Variants in APBB2 observed in about 807,000 individuals in gnomAD.
APBB2 encodes Fe65-like 1.
A neutral mutation model predicts 82.5 loss-of-function variants in APBB2; 38 were observed. The ratio of observed to expected loss-of-function variants is 0.46; its 90% CI spans 0.36 to 0.60. APBB2 has a LOEUF of 0.60. Among genes scored for constraint, APBB2 ranks in the 20% least tolerant of loss-of-function variants. The pLI, the probability that APBB2 is intolerant of heterozygous loss-of-function variation, is 0.00. For synonymous variants in APBB2, 341 were observed against 368.2 expected (o/e 0.93, Z 0.85); for missense variants, 772 against 972.3 (o/e 0.79, Z 2.74).
At chr4:41,089,451 A>G (rs1382258486) in intron 3 of APBB2, among the ~76,000 whole-genome samples, 6 of 152,210 alleles carry the variant, frequency 3.9e-5, no homozygotes, top group African/African-American at 1.4e-4. Flanking sequence ...AGCTCAACCT[A>G]TGTTTTGAGT....
chr4:40,993,734 A>C (rs1367641249), intron 6 of APBB2, among the ~76,000 whole-genome samples: 2 of 152,110 alleles, frequency 1.3e-5, no homozygotes, highest in African/African-American at 2.4e-5. Context: ...TATTTTTTAA[A>C]AGAAAATAAA....
intron 6 of APBB2, among the ~76,000 whole-genome samples, chr4:40,957,607 G>T (rs1792009710): frequency 6.7e-6 from 1 of 149,720 alleles, no homozygotes; most frequent in Non-Finnish European, 1.5e-5. Context: ...TTTTGAGGCG[G>T]AGTTTCGCTC....
At chr4:41,143,417 G>A (rs1458551511) in intron 1 of APBB2, among the ~76,000 whole-genome samples, 1 of 152,148 alleles carries the variant, frequency 6.6e-6, no homozygotes, top group African/African-American at 2.4e-5. Flanking sequence ...ATTAACCATG[G>A]AAAACACAAG....
intron 16 of APBB2, among the ~76,000 whole-genome samples, chr4:40,822,997 T>C (rs1331587636): frequency 6.6e-6 from 1 of 152,174 alleles, no homozygotes; most frequent in Admixed American, 6.5e-5. Context: ...TGCTCCTCTC[T>C]CCAGGGTGAA....
chr4:41,019,465 T>G (rs1239628579), intron 5 of APBB2, among the ~76,000 whole-genome samples: 2 of 151,970 alleles, frequency 1.3e-5, no homozygotes, highest in East Asian at 3.9e-4. Context: ...AAAGCGAAAC[T>G]GGCAGCCTTA....
chr4:41,157,161 G>A (rs1019090009), intron 1 of APBB2, among the ~76,000 whole-genome samples: 5 of 152,020 alleles, frequency 3.3e-5, no homozygotes, highest in Non-Finnish European at 7.4e-5. Flanking sequence ...CACAGTGCCT[G>A]GCACACAGCA....
At chr4:41,043,331 T>C (rs1722217101) in intron 4 of APBB2, among the ~76,000 whole-genome samples, 1 of 152,188 alleles carries the variant, frequency 6.6e-6, no homozygotes, top group Non-Finnish European at 1.5e-5. Context: ...TGAGGCTGCT[T>C]CTATATTTAA....
At chr4:41,017,741 G>T (rs1234945100) in intron 5 of APBB2, among the ~76,000 whole-genome samples, 1 of 152,124 alleles carries the variant, frequency 6.6e-6, no homozygotes, top group African/African-American at 2.4e-5. Context: ...CACTCTAATT[G>T]GTCTGAGTGA....
At chr4:40,939,380 G>A (rs921527463) in intron 7 of APBB2, among the ~76,000 whole-genome samples, 7 of 152,138 alleles carry the variant, frequency 4.6e-5, no homozygotes, top group Non-Finnish European at 1.0e-4. Flanking sequence ...CTGGCTGCCC[G>A]AGGGTGCCCT....
At chr4:40,847,864 T>A (rs1413614937) in intron 12 of APBB2, among the ~76,000 whole-genome samples, 1 of 152,006 alleles carries the variant, frequency 6.6e-6, no homozygotes, top group Non-Finnish European at 1.5e-5. Flanking sequence ...AGGAGTCCAG[T>A]AGCACGATCA....
At chr4:41,182,379 C>T (rs1771669459) in intron 1 of APBB2, among the ~76,000 whole-genome samples, 1 of 152,210 alleles carries the variant, frequency 6.6e-6, no homozygotes, top group South Asian at 2.1e-4. Context: ...GGTGATCTCA[C>T]CAAGGTAACC....
intron 12 of APBB2, chr4:40,881,221 T>G: frequency 2.0e-6 from 2 of 985,326 alleles, no homozygotes; most frequent in Non-Finnish European, 2.4e-6. Flanking sequence ...AATACTATAG[T>G]GTAGGGAGAG....
chr4:41,034,373 G>C (rs1335219157), intron 4 of APBB2, among the ~76,000 whole-genome samples: 1 of 152,176 alleles, frequency 6.6e-6, no homozygotes, highest in African/African-American at 2.4e-5. Flanking sequence ...CACCCAGGCT[G>C]GAGGGCAATA....
At chr4:40,944,338 TC>T (rs1313597938) in intron 7 of APBB2, among the ~76,000 whole-genome samples, 1 of 152,240 alleles carries the variant, frequency 6.6e-6, no homozygotes, top group Non-Finnish European at 1.5e-5. Flanking sequence ...ATGCTGTTAA[TC>T]GTTTCTAAAA....
At chr4:40,999,738 G>A (rs1367341788) in intron 6 of APBB2, among the ~76,000 whole-genome samples, 2 of 152,178 alleles carry the variant, frequency 1.3e-5, no homozygotes, top group Admixed American at 6.5e-5. Flanking sequence ...CTCCTGCATA[G>A]TTTGAGAAGC....
chr4:41,184,443 G>T (rs1772312155), intron 1 of APBB2, among the ~76,000 whole-genome samples: 1 of 152,158 alleles, frequency 6.6e-6, no homozygotes, highest in South Asian at 2.1e-4. Flanking sequence ...TCCTCCAACA[G>T]GCCAGGCTCA....
At chr4:40,839,544 G>C (rs886613311) in intron 12 of APBB2, among the ~76,000 whole-genome samples, 3 of 152,108 alleles carry the variant, frequency 2.0e-5, no homozygotes, top group Non-Finnish European at 4.4e-5. Flanking sequence ...GGGAATTTGT[G>C]AAGGCTGGCA....
intron 1 of APBB2, among the ~76,000 whole-genome samples, chr4:41,182,056 C>T (rs1392416420): frequency 1.3e-5 from 2 of 152,062 alleles, no homozygotes; most frequent in Non-Finnish European, 2.9e-5. Flanking sequence ...GAAAAGGAGG[C>T]GTGAGAAGTA....
At chr4:40,884,442 A>C (rs1769603798) in intron 12 of APBB2, among the ~76,000 whole-genome samples, 1 of 152,230 alleles carries the variant, frequency 6.6e-6, no homozygotes, top group Admixed American at 6.5e-5. Context: ...CAGCACTGGC[A>C]TGAAAACAAG....
Sources: gnomAD v4.1 joint callset for allele counts (sites outside exome capture counted in the v4.1 genomes callset) on GRCh38, gnomAD v4.1.1 for gene constraint, MANE v1.5 for transcripts, NCBI Gene and HGNC (gene_info 2026-07-23, HGNC 2026-07-21) for gene names.